Variants in CENPM observed in about 807,000 individuals in gnomAD.
The protein encoded by CENPM is centromere protein M, also known as interphase centromere complex protein 39.
Under a neutral mutation model 19.6 loss-of-function variants are expected in CENPM, and 14 were observed. The observed-to-expected ratio is 0.71, with a 90% CI of 0.47 to 1.11. The LOEUF (loss-of-function observed/expected upper bound fraction) is 1.11, where lower values mean the gene tolerates loss of function less well. CENPM is among the 50% of genes most tolerant of loss of function. The probability of loss-of-function intolerance (pLI) is 0.00; values close to 1 mark genes in which losing one functional copy is unlikely to be tolerated. For missense variants in CENPM, 239 were observed against 228.4 expected, an observed-to-expected ratio of 1.05 and a Z score of -0.30; for synonymous variants, 114 against 101.5, an observed-to-expected ratio of 1.12 and a Z score of -0.74.
rs749496721 is a variant in CENPM, at chr22:41,939,176, G to A, written c.423C>T (p.Thr141=). The change falls in exon 6 of 6, where the codon ACC becomes ACT. Residue 141 remains threonine, a synonymous_variant. Coordinates refer to ENST00000215980, the MANE Select transcript of CENPM (RefSeq NM_024053.5). ...GCACGCGCACCAGGCGCTGCGCCAT[G>A]GTGGCCCTAAAGCCTTCCACCTGCG... ...CDLEVEGFRA[T]MAQRLVRVLQ... is the part of the protein sequence containing the mutation. 6.2e-7 allele frequency: 1 copy of A among 1,611,888 alleles called. No individual in the cohort carries two copies. Among genetic ancestry groups the A allele is most frequent in the Admixed American group, 1.7e-5 (1 of 59,854 alleles).
At chr22:41,928,024 C>G in the CENPM span, 3 of 207,216 alleles carry the variant, frequency 1.4e-5, no homozygotes, top group South Asian at 1.7e-4. This position sits in a 1 kb window ranked among gnomAD's most constrained non-coding sequence, Gnocchi z 4.0. Flanking sequence ...GGAGCAAAGG[C>G]TTGGAGGCCC....
chr22:41,937,866 C>T (rs1001317190), downstream of CENPM, among the ~76,000 whole-genome samples: 1 of 151,852 alleles, frequency 6.6e-6, no homozygotes, highest in African/African-American at 2.4e-5. Flanking sequence ...TTCTTTGAGA[C>T]AGAGTCTCGC....
the CENPM span, among the ~76,000 whole-genome samples, chr22:41,931,301 T>C: frequency 6.7e-6 from 1 of 149,492 alleles, no homozygotes; most frequent in African/African-American, 2.5e-5. Flanking sequence ...AAACCCTCTC[T>C]CTATAAGAAA....
rs764205345 is a variant in CENPM, at chr22:41,945,944, C to T, written c.199G>A (p.Val67Met). The change falls in exon 3 of 6, where the codon GTG (valine) becomes ATG (methionine). Residue 67 changes from valine (V) to methionine (M), a missense_variant. Val to Met is a conservative substitution (Grantham distance 21, BLOSUM62 1). Coordinates refer to ENST00000215980, the MANE Select transcript of CENPM (RefSeq NM_024053.5). ...TTGCTGTGAAGATTAACCACAAACA[C>T]GATCAGGTCAATTCGGGGCCGATTC... The part of the protein sequence containing the change: ...SVNRPRIDLI[V>M]FVVNLHSKYS... The T allele has an allele frequency of 2.5e-6, 4 of 1,613,720 alleles. No homozygotes were observed. Among genetic ancestry groups the T allele is most frequent in the Non-Finnish European group, 3.4e-6 (4 of 1,179,944 alleles).
chr22:41,930,573 AGCAACACCCAACTCAGCTCACT>A, the CENPM span, among the ~76,000 whole-genome samples: 123 of 151,402 alleles, frequency 8.1e-4, no homozygotes, highest in African/African-American at 2.5e-3. Flanking sequence ...CAGTGCGATA[AGCAACACCCAACTCAGCTCACT>A]GCAACACCCA....
intron 3 of CENPM, among the ~76,000 whole-genome samples, chr22:41,945,685 C>T (rs2077792206): frequency 6.6e-6 from 1 of 152,096 alleles, no homozygotes; most frequent in Non-Finnish European, 1.5e-5. Flanking sequence ...ATCTGCCCAC[C>T]TTGGCCTCCC....
At chr22:41,944,617 C>T (rs1239168856) in intron 4 of CENPM, 14 of 947,208 alleles carry the variant, frequency 1.5e-5, no homozygotes, top group Non-Finnish European at 1.8e-5. Flanking sequence ...GTCTGCCTCA[C>T]AGTGACAGCT....
chr22:41,928,706 G>T, the CENPM span, among the ~76,000 whole-genome samples: 2 of 152,280 alleles, frequency 1.3e-5, no homozygotes, highest in South Asian at 4.1e-4. The surrounding 1 kb of genome is among the most constrained non-coding windows in gnomAD (Gnocchi z 4.0). Flanking sequence ...TGCTGGGAGG[G>T]AGGAGGGAGC....
At chr22:41,928,974 T>A in the CENPM span, among the ~76,000 whole-genome samples, 1 of 151,988 alleles carries the variant, frequency 6.6e-6, no homozygotes, top group Admixed American at 6.5e-5. The surrounding 1 kb of genome is among the most constrained non-coding windows in gnomAD (Gnocchi z 4.0). Flanking sequence ...CAGCCCTGAC[T>A]GGTGGGCGCT....
chr22:41,940,039 C>A, intron 5 of CENPM: 1 of 674,462 alleles, frequency 1.5e-6, no homozygotes, highest in Non-Finnish European at 2.8e-6. Context: ...CCAGCAGCTC[C>A]CCACCAGGCT....
intron 3 of CENPM, 70 bp downstream of exon 3, chr22:41,945,843 G>C (rs998406808): frequency 8.0e-7 from 1 of 1,251,262 alleles, no homozygotes; most frequent in East Asian, 2.3e-5. Flanking sequence ...TCACAAGTTA[G>C]GTCACCGTCT....
intron 5 of CENPM, among the ~76,000 whole-genome samples, chr22:41,941,136 A>G (rs1229252639): frequency 6.6e-6 from 1 of 152,090 alleles, no homozygotes; most frequent in East Asian, 1.9e-4. Context: ...CTACCAGCAG[A>G]CCTAGGCAAT....
At chr22:41,932,950 AGGAAACCCAAATG>A in the CENPM span, among the ~76,000 whole-genome samples, 1 of 152,198 alleles carries the variant, frequency 6.6e-6, no homozygotes, top group Admixed American at 6.5e-5. This position sits in a 1 kb window ranked among gnomAD's most constrained non-coding sequence, Gnocchi z 4.3. Context: ...GGAAGCAGAG[AGGAAACCCAAATG>A]GGACACAACG....
In CENPM at chr22:41,939,164, G is replaced by T. The variant is rs2077702229; in HGVS notation, c.435C>A (p.Arg145=). 1 of 1,612,320 alleles carries T rather than the reference G, an allele frequency of 6.2e-7. No individual in the cohort carries two copies. Among genetic ancestry groups the T allele is most frequent in the African/African-American group, 1.3e-5 (1 of 74,932 alleles). ...VEGFRATMAQ[R]LVRVLQICAG... ...CACAGATCTGCAGCACGCGCACCAG[G>T]CGCTGCGCCATGGTGGCCCTAAAGC... is the stretch of plus-strand genomic sequence containing the variant. The change falls in exon 6 of 6, where the codon CGC becomes CGA. Residue 145 remains arginine, a synonymous_variant. Coordinates refer to ENST00000215980, the MANE Select transcript of CENPM (RefSeq NM_024053.5).
the CENPM span, among the ~76,000 whole-genome samples, chr22:41,931,901 G>A: frequency 7.9e-5 from 12 of 152,222 alleles, no homozygotes; most frequent in South Asian, 2.1e-4. Context: ...ATCAGTTTTC[G>A]TTGTAATTAT....
chr22:41,944,570 AC>A (rs2077777892), intron 4 of CENPM: 5 of 753,370 alleles, frequency 6.6e-6, no homozygotes, highest in South Asian at 1.2e-4. Flanking sequence ...AATAACACCT[AC>A]CTCCAATAGG....
chr22:41,929,431 G>A, the CENPM span, among the ~76,000 whole-genome samples: 57 of 152,184 alleles, frequency 3.7e-4, 1 homozygote, highest in Admixed American at 3.7e-3. Flanking sequence ...GGCCCAGTGA[G>A]GCCAGAGTCG....
chr22:41,945,911 AC>A lies in CENPM; in HGVS notation c.230+1del, dbSNP rs948298619. Reference sequence around the variant, plus strand: ...CTGACTGCCCCTTCCTCTGGCTCTCACCTGTATTTGCTGTGAAGATTAACCA... The same window carrying A: ...CTGACTGCCCCTTCCTCTGGCTCTCACTGTATTTGCTGTGAAGATTAACCA... On this transcript the variant is annotated splice_donor_variant, in intron 3 of 5. Coordinates refer to ENST00000215980, the MANE Select transcript of CENPM (RefSeq NM_024053.5). LOFTEE classifies it high-confidence loss of function. The A allele has an allele frequency of 6.2e-7, 1 of 1,612,332 alleles. No individual in the cohort carries two copies. Among genetic ancestry groups the A allele is most frequent in the African/African-American group, 1.3e-5 (1 of 74,754 alleles).
chr22:41,945,157 G>A, intron 4 of CENPM, 68 bp downstream of exon 4: 1 of 1,609,394 alleles, frequency 6.2e-7, no homozygotes, highest in Non-Finnish European at 8.5e-7. Context: ...GCCTCAGCAA[G>A]AAGCCTACGG....
Sources: allele counts gnomAD v4.1 joint callset (sites outside exome capture counted in the v4.1 genomes callset), GRCh38; gene constraint gnomAD v4.1.1; non-coding constraint Gnocchi (gnomAD v3.1); transcripts MANE v1.5; gene names NCBI Gene and HGNC (gene_info 2026-07-23, HGNC 2026-07-21).